MAF: variants seen among roughly 807,000 people sequenced by gnomAD.
MAF encodes the protein MAF bZIP transcription factor.
A neutral mutation model predicts 22.0 loss-of-function variants in MAF; 10 were observed. The ratio of observed to expected loss-of-function variants is 0.45; its 90% CI spans 0.28 to 0.77. MAF has a LOEUF of 0.77. MAF is among the 30% of genes least tolerant of loss of function. The pLI is 0.12. For missense variants in MAF, 544 were observed against 548.4 expected (o/e 0.99, Z 0.08); for synonymous variants, 337 against 255.8 (o/e 1.32, Z -3.03).
At chr16:79,347,612 G>T in the MAF span, among the ~76,000 whole-genome samples, 2 of 152,292 alleles carry the variant, frequency 1.3e-5, no homozygotes, top group African/African-American at 4.8e-5. Context: ...CAGGGGAGGT[G>T]TCAGAGAAAG....
At chr16:79,273,669 G>C in the MAF span, among the ~76,000 whole-genome samples, 1 of 134,646 alleles carries the variant, frequency 7.4e-6, no homozygotes, top group Non-Finnish European at 1.6e-5. Context: ...TTCTCATCCT[G>C]TTTCACTCTG....
At chr16:79,378,364 A>G in the MAF span, among the ~76,000 whole-genome samples, 25 of 152,350 alleles carry the variant, frequency 1.6e-4, no homozygotes, top group East Asian at 4.8e-3. Context: ...GGAAGCCCAT[A>G]GAAAAAAGTC....
the MAF span, among the ~76,000 whole-genome samples, chr16:79,357,269 A>T: frequency 0.048 from 7,123 of 148,228 alleles, 332 homozygotes; most frequent in East Asian, 0.18. Context: ...AACAACAACA[A>T]CAACAACAAC....
chr16:79,570,697 A>C, the MAF span, among the ~76,000 whole-genome samples: 1 of 152,334 alleles, frequency 6.6e-6, no homozygotes, highest in African/African-American at 2.4e-5. Context: ...CCCTTCTGCA[A>C]ATATTCCCAC....
the MAF span, among the ~76,000 whole-genome samples, chr16:79,287,489 C>T: frequency 6.6e-6 from 1 of 152,198 alleles, no homozygotes; most frequent in African/African-American, 2.4e-5. Context: ...AGGGTTGTGG[C>T]AGGAGGCCAA....
chr16:79,559,882 T>C, the MAF span, among the ~76,000 whole-genome samples: 2 of 152,328 alleles, frequency 1.3e-5, no homozygotes, highest in South Asian at 2.1e-4. Context: ...TTTATTTGTG[T>C]TGTGTTGTGT....
At chr16:79,227,302 G>T in the MAF span, among the ~76,000 whole-genome samples, 1 of 152,082 alleles carries the variant, frequency 6.6e-6, no homozygotes, top group Non-Finnish European at 1.5e-5. Flanking sequence ...AGTGAGCCTT[G>T]ATTGTGCCAC....
the MAF span, among the ~76,000 whole-genome samples, chr16:79,502,708 A>ATACATATATATAT: frequency 1.8e-3 from 62 of 33,982 alleles, 8 homozygotes; most frequent in Non-Finnish European, 2.8e-3. Context: ...TATAAATATA[A>ATACATATATATAT]ATATATATAT....
At chr16:79,306,288 T>C in the MAF span, among the ~76,000 whole-genome samples, 1 of 152,318 alleles carries the variant, frequency 6.6e-6, no homozygotes, top group East Asian at 1.9e-4. Context: ...ATTCTAAATC[T>C]CTGCTTCTCA....
At chr16:79,436,799 C>T in the MAF span, among the ~76,000 whole-genome samples, 2 of 152,294 alleles carry the variant, frequency 1.3e-5, no homozygotes, top group African/African-American at 4.8e-5. Flanking sequence ...GGGTCTCCAC[C>T]TTGGCATCTC....
At chr16:79,558,135 G>C in the MAF span, among the ~76,000 whole-genome samples, 2 of 150,842 alleles carry the variant, frequency 1.3e-5, no homozygotes, top group South Asian at 4.1e-4. Context: ...CAATTGGAGA[G>C]AGTGGGTCTT....
the MAF span, among the ~76,000 whole-genome samples, chr16:79,486,180 T>C: frequency 1.3e-5 from 2 of 152,168 alleles, no homozygotes; most frequent in Non-Finnish European, 2.9e-5. Flanking sequence ...GTGGGGCTCA[T>C]CTCCCTTGAT....
At chr16:79,542,910 C>T in the MAF span, among the ~76,000 whole-genome samples, 3 of 152,202 alleles carry the variant, frequency 2.0e-5, no homozygotes, top group African/African-American at 4.8e-5. Context: ...TAAGCTAGCA[C>T]ATCTGACCTA....
chr16:79,301,635 G>C, the MAF span, among the ~76,000 whole-genome samples: 3 of 149,710 alleles, frequency 2.0e-5, no homozygotes, highest in Non-Finnish European at 4.4e-5. Flanking sequence ...TTATATCTAT[G>C]TGTGTATATA....
chr16:79,565,219 C>A, the MAF span, among the ~76,000 whole-genome samples: 2 of 152,188 alleles, frequency 1.3e-5, no homozygotes, highest in South Asian at 4.1e-4. Flanking sequence ...GGGAGTTGAA[C>A]CCGGCCCAAT....
At chr16:79,417,501 T>A in the MAF span, among the ~76,000 whole-genome samples, 1 of 152,116 alleles carries the variant, frequency 6.6e-6, no homozygotes. Context: ...TGTGCGATGT[T>A]ATTATGGGCT....
At chr16:79,405,337 C>A in the MAF span, among the ~76,000 whole-genome samples, 1 of 152,150 alleles carries the variant, frequency 6.6e-6, no homozygotes, top group Non-Finnish European at 1.5e-5. Flanking sequence ...AATTCACTGA[C>A]CTGAGCCTCA....
chr16:79,581,762 G>A (rs920286821), downstream of MAF, among the ~76,000 whole-genome samples: 2 of 152,146 alleles, frequency 1.3e-5, no homozygotes, highest in Admixed American at 1.3e-4. Context: ...TGGACTGTCA[G>A]GCTCACCGTA....
chr16:79,484,311 C>T, the MAF span, among the ~76,000 whole-genome samples: 1 of 152,182 alleles, frequency 6.6e-6, no homozygotes, highest in African/African-American at 2.4e-5. Flanking sequence ...ACAATGCCTC[C>T]CAACTTGGAT....
Sources: gnomAD v4.1 joint callset for allele counts (sites outside exome capture counted in the v4.1 genomes callset) on GRCh38, gnomAD v4.1.1 for gene constraint, MANE v1.5 for transcripts, NCBI Gene and HGNC (gene_info 2026-07-23, HGNC 2026-07-21) for gene names.